ITM2C: variants seen among roughly 807,000 people sequenced by gnomAD.
ITM2C encodes BRICHOS domain containing 2C.
In ITM2C, 20 loss-of-function variants were observed where a neutral mutation model predicts 30.0. The ratio of observed to expected loss-of-function variants is 0.67; its 90% CI spans 0.47 to 0.97. ITM2C has a LOEUF of 0.97. Ranked by LOEUF, ITM2C falls within the 50% of genes least tolerant of loss-of-function variation. ITM2C has a pLI of 0.00. For synonymous variants in ITM2C, 167 were observed against 156.4 expected, an observed-to-expected ratio of 1.07 and a Z score of -0.51; for missense variants, 366 against 371.9, an observed-to-expected ratio of 0.98 and a Z score of 0.13.
Position 230,878,135 on chromosome 2 carries a change from C to G in ITM2C, c.*36C>G, listed in dbSNP as rs777679750. 1 of 1,458,652 alleles carries G rather than the reference C, an allele frequency of 6.9e-7. No individual in the cohort carries two copies. The highest frequency in any genetic ancestry group is 9.3e-7 in the Non-Finnish European group (1 of 1,074,300). 90.4% of individuals were successfully genotyped at this position (1,458,652 alleles called of 1,614,324 possible). On this transcript the variant is annotated 3_prime_UTR_variant, in exon 6 of 6. Coordinates refer to ENST00000326427, the MANE Select transcript of ITM2C (RefSeq NM_030926.6). The surrounding 1 kb of genome is among the most constrained non-coding windows in gnomAD (Gnocchi z 4.5). ...CCCCAGAACCCCCTGCCGTGTTCCT[C>G]TTTTCTTCTTTCCGGCTGCTCTCTG...
chr2:230,864,915 G>A (rs1483831103), upstream of ITM2C: 1 of 1,229,774 alleles, frequency 8.1e-7, no homozygotes. This position sits in a 1 kb window ranked among gnomAD's most constrained non-coding sequence, Gnocchi z 4.3. Context: ...TAGAGAGAGG[G>A]ACGCGAGCGG....
Position 230,876,923 on chromosome 2 carries a change from G to T in ITM2C, c.517G>T (p.Val173Leu). ...CYVIELNTTI[V>L]LPPRNFWELL... ...TGTCATCGAACTCAACACCACCATT[G>T]TGCTGCCCCCTCGCAACTTCTGGGA... Residue 173 changes from valine (V) to leucine (L), a missense_variant, in exon 4 of 6, where the codon GTG becomes TTG. Coordinates refer to ENST00000326427, the MANE Select transcript of ITM2C (RefSeq NM_030926.6). The T allele has an allele frequency of 1.2e-6, 2 of 1,614,060 alleles. No homozygotes were observed. Among genetic ancestry groups the T allele is most frequent in the Non-Finnish European group, 1.7e-6 (2 of 1,179,956 alleles).
rs1187251601 is a variant in ITM2C, at chr2:230,865,623, G to C, written c.120+478G>C. On this transcript the variant is annotated intron_variant, in intron 1 of 5. Transcript: ENST00000326427. This position sits in a 1 kb window ranked among gnomAD's most constrained non-coding sequence, Gnocchi z 6.8. ...TGGCTGGGGAATTGGGGGTGGGGGG[G>C]TCTGGTACCAACGAAGAGGGTGGGG... The C allele has an allele frequency of 7.1e-6, 1 of 140,462 alleles. No homozygotes were observed. Among genetic ancestry groups the C allele is most frequent in the Non-Finnish European group, 1.5e-5 (1 of 64,826 alleles). 8.7% of individuals were successfully genotyped at this position (140,462 alleles called of 1,614,324 possible). A position where few individuals can be genotyped will look rare whatever the true frequency, so the allele number is the denominator to read the frequency against.
intron 1 of ITM2C, 30 bp from the exon 2 acceptor site, chr2:230,873,387 C>T (rs371087366): frequency 2.2e-5 from 33 of 1,502,774 alleles, no homozygotes; most frequent in Non-Finnish European, 2.8e-5. Context: ...GGGGCCCTGG[C>T]CCCCACTGAC....
chr2:230,865,047 C>G lies in ITM2C; in HGVS notation c.22C>G (p.Pro8Ala). 1 of 1,523,998 alleles carries G rather than the reference C, an allele frequency of 6.6e-7. No individual in the cohort carries two copies. Among genetic ancestry groups the G allele is most frequent in the Non-Finnish European group, 8.8e-7 (1 of 1,129,974 alleles). 94.4% of individuals were successfully genotyped at this position (1,523,998 alleles called of 1,614,324 possible). A position where few individuals can be genotyped will look rare whatever the true frequency, so the allele number is the denominator to read the frequency against. Residue 8 changes from proline to alanine, a missense_variant, in exon 1 of 6, where the codon CCC (proline) becomes GCC (alanine). By Grantham distance (27) the Pro-to-Ala change is conservative. Transcript: ENST00000326427. The surrounding 1 kb of genome is among the most constrained non-coding windows in gnomAD (Gnocchi z 6.8). MVKISFQ[P>A]AVAGIKGDKA... ...AGCCATGGTGAAGATTAGCTTCCAGCCCGCCGTGGCTGGCATCAAGGGCGA... is the reference window on the plus strand; with the variant it reads ...AGCCATGGTGAAGATTAGCTTCCAGGCCGCCGTGGCTGGCATCAAGGGCGA...
Position 230,875,648 on chromosome 2 carries a change from G to A in ITM2C, c.290G>A (p.Gly97Asp). The A allele has an allele frequency of 6.2e-7, 1 of 1,611,000 alleles. No homozygotes were observed. Reference sequence around the variant, plus strand: ...GCCCGAGATAACTTCTTCCGCTGTGGTGTGCTGTATGAGGACTCCCTGTCC... The same window carrying A: ...GCCCGAGATAACTTCTTCCGCTGTGATGTGCTGTATGAGGACTCCCTGTCC... ...QLARDNFFRC[G>D]VLYEDSLSSQ... Residue 97 changes from glycine to aspartate, a missense_variant, in exon 3 of 6, where the codon GGT (glycine) becomes GAT (aspartate). By Grantham distance (94) the Gly-to-Asp change is moderately conservative. Coordinates refer to ENST00000326427, the MANE Select transcript of ITM2C (RefSeq NM_030926.6).
intron 2 of ITM2C, among the ~76,000 whole-genome samples, chr2:230,874,373 C>T (rs926098259): frequency 4.6e-5 from 7 of 152,132 alleles, no homozygotes; most frequent in Non-Finnish European, 7.4e-5. Context: ...CCCCCTGCCC[C>T]GCCCCACTCC....
At chr2:230,873,667 A>G in intron 2 of ITM2C, 110 bp downstream of exon 2, 1 of 1,143,256 alleles carries the variant, frequency 8.7e-7, no homozygotes, top group Non-Finnish European at 1.2e-6. Flanking sequence ...ACATGCCCTC[A>G]GGTGGGAGCG....
In ITM2C at chr2:230,878,256, G is replaced by A; in HGVS notation, c.*157G>A. ...CCTCTCCAACCCTGCCCACCTCCCT[G>A]TACCAGAGCTGTGATCTCTCGGTGG... On this transcript the variant is annotated 3_prime_UTR_variant, in exon 6 of 6. Coordinates refer to ENST00000326427, the MANE Select transcript of ITM2C (RefSeq NM_030926.6). This position sits in a 1 kb window ranked among gnomAD's most constrained non-coding sequence, Gnocchi z 4.5. 2 of 472,460 alleles carry A rather than the reference G, an allele frequency of 4.2e-6. No homozygotes were observed. Among genetic ancestry groups the A allele is most frequent in the Non-Finnish European group, 7.4e-6 (2 of 269,568 alleles). The allele number at this position is 472,460 out of a possible 1,614,324, so 29.3% of individuals were successfully genotyped here. A position where few individuals can be genotyped will look rare whatever the true frequency, so the allele number is the denominator to read the frequency against.
At chr2:230,869,111 A>G (rs2125015828) in intron 1 of ITM2C, among the ~76,000 whole-genome samples, 1 of 152,356 alleles carries the variant, frequency 6.6e-6, no homozygotes, top group African/African-American at 2.4e-5. Flanking sequence ...CAACCTGGCC[A>G]GCCCCTCTGT....
chr2:230,864,745 T>A (rs185525334), upstream of ITM2C: 9,275 of 194,132 alleles, frequency 0.048, 291 homozygotes, highest in Middle Eastern at 0.078. This position sits in a 1 kb window ranked among gnomAD's most constrained non-coding sequence, Gnocchi z 4.3. Flanking sequence ...AGTGAGTGAC[T>A]GTGCGAGCGA....
chr2:230,865,939 C>A lies in ITM2C; in HGVS notation c.120+794C>A, dbSNP rs1035689559. Among the ~76,000 whole-genome samples the A allele has an allele frequency of 6.6e-6, 1 of 152,236 alleles. No homozygotes were observed. Among genetic ancestry groups the A allele is most frequent in the African/African-American group, 2.4e-5 (1 of 41,468 alleles). On this transcript the variant is annotated intron_variant, in intron 1 of 5. Transcript: ENST00000326427. This position sits in a 1 kb window ranked among gnomAD's most constrained non-coding sequence, Gnocchi z 6.8. ...CCCCAGTGCCCTTGCATCCTGGGTC[C>A]CCGGGCTCTGTGCGCGTTCCCCCAC... is the stretch of plus-strand genomic sequence containing the variant.
At chr2:230,872,402 G>A (rs1271820551) in intron 1 of ITM2C, among the ~76,000 whole-genome samples, 2 of 152,190 alleles carry the variant, frequency 1.3e-5, no homozygotes, top group African/African-American at 4.8e-5. Context: ...AGCTCACCTG[G>A]CTGGCTCTCG....
chr2:230,878,200 C>A lies in ITM2C; in HGVS notation c.*101C>A. On this transcript the variant is annotated 3_prime_UTR_variant, in exon 6 of 6. Transcript: ENST00000326427. This position sits in a 1 kb window ranked among gnomAD's most constrained non-coding sequence, Gnocchi z 4.5. ...CCCTGCTTAGCTTGTACTTTGGACGCGTTTCTATAGAGGTGACATGTCTCT... is the reference window on the plus strand; with the variant it reads ...CCCTGCTTAGCTTGTACTTTGGACGAGTTTCTATAGAGGTGACATGTCTCT... The A allele has an allele frequency of 1.3e-6, 1 of 785,216 alleles. No individual in the cohort carries two copies. The highest frequency in any genetic ancestry group is 2.0e-6 in the Non-Finnish European group (1 of 505,818). The allele number at this position is 785,216 out of a possible 1,614,324, so 48.6% of individuals were successfully genotyped here. A position where few individuals can be genotyped will look rare whatever the true frequency, so the allele number is the denominator to read the frequency against.
chr2:230,870,534 A>G (rs2125017465), intron 1 of ITM2C, among the ~76,000 whole-genome samples: 1 of 152,314 alleles, frequency 6.6e-6, no homozygotes, highest in East Asian at 1.9e-4. Context: ...AGTCTAGGTA[A>G]GGTGGGGGAT....
rs1368530998 is a variant in ITM2C at position 230,865,949 on chromosome 2, G to C, written c.120+804G>C. On this transcript the variant is annotated intron_variant, in intron 1 of 5. Coordinates refer to ENST00000326427, the MANE Select transcript of ITM2C (RefSeq NM_030926.6). This position sits in a 1 kb window ranked among gnomAD's most constrained non-coding sequence, Gnocchi z 6.8. ...CTTGCATCCTGGGTCCCCGGGCTCTGTGCGCGTTCCCCCACCCCTGTCATC... is the reference window on the plus strand; with the variant it reads ...CTTGCATCCTGGGTCCCCGGGCTCTCTGCGCGTTCCCCCACCCCTGTCATC... Among the ~76,000 whole-genome samples the C allele has an allele frequency of 7.2e-6, 1 of 138,342 alleles. No individual in the cohort carries two copies. The highest frequency in any genetic ancestry group is 1.6e-5 in the Non-Finnish European group (1 of 64,292). 90.8% of individuals were successfully genotyped at this position (138,342 alleles called of 152,430 possible). A position where few individuals can be genotyped will look rare whatever the true frequency, so the allele number is the denominator to read the frequency against.
At chr2:230,871,177 C>T (rs1697156269) in intron 1 of ITM2C, among the ~76,000 whole-genome samples, 1 of 152,228 alleles carries the variant, frequency 6.6e-6, no homozygotes, top group Admixed American at 6.5e-5. Context: ...CCCCGCTGGG[C>T]CTGTAGCCCC....
chr2:230,866,290 T>C (rs972482817), intron 1 of ITM2C, among the ~76,000 whole-genome samples: 4 of 152,206 alleles, frequency 2.6e-5, no homozygotes, highest in Admixed American at 1.3e-4. Flanking sequence ...CACTTCCAGA[T>C]GCAGGCTTCT....
chr2:230,873,450 G>C lies in ITM2C; in HGVS notation c.154G>C (p.Gly52Arg), dbSNP rs377418193. The C allele has an allele frequency of 2.0e-5, 32 of 1,606,716 alleles. No individual in the cohort carries two copies. In the African/African-American group the frequency reaches 3.1e-4, roughly 15 times the overall value. The change falls in exon 2 of 6, where the codon GGG becomes CGG. Residue 52 changes from glycine to arginine, a missense_variant. Transcript: ENST00000326427. ...GCCCCCACAACATCGATCCAAGAGGGGGGGCTCAGTGGGCGGCGTGTGCTA... is the reference window on the plus strand; with the variant it reads ...GCCCCCACAACATCGATCCAAGAGGCGGGGCTCAGTGGGCGGCGTGTGCTA... ...EQPPQHRSKRGGSVGGVCYLS... is the reference protein window; with the variant it reads ...EQPPQHRSKRRGSVGGVCYLS...
Sources: allele counts gnomAD v4.1 joint callset (sites outside exome capture counted in the v4.1 genomes callset), GRCh38; gene constraint gnomAD v4.1.1; non-coding constraint Gnocchi (gnomAD v3.1); transcripts MANE v1.5; gene names NCBI Gene and HGNC (gene_info 2026-07-23, HGNC 2026-07-21).